NOTCH1: variants seen among roughly 807,000 people sequenced by gnomAD.
The protein encoded by NOTCH1 is neurogenic locus notch homolog protein 1.
Under a neutral mutation model 254.8 loss-of-function variants are expected in NOTCH1, and 37 were observed. The observed-to-expected ratio is 0.15, with a 90% CI of 0.11 to 0.19. The LOEUF (loss-of-function observed/expected upper bound fraction) is 0.19. Ranked by LOEUF, NOTCH1 falls within the 10% of genes least tolerant of loss-of-function variation. NOTCH1 has a pLI of 1.00. For missense variants in NOTCH1, 2,972 were observed against 3,708.6 expected, an observed-to-expected ratio of 0.80 and a Z score of 5.16; for synonymous variants, 1,731 against 1,618.1, an observed-to-expected ratio of 1.07 and a Z score of -1.68.
At chr9:136,535,898 AGCAC>A in intron 2 of NOTCH1, among the ~76,000 whole-genome samples, 1 of 91,088 alleles carries the variant, frequency 1.1e-5, no homozygotes, top group Non-Finnish European at 2.0e-5. Flanking sequence ...TGGAGGGGGG[AGCAC>A]TCAGGATCCC....
chr9:136,504,923 A>G lies in NOTCH1; in HGVS notation c.4768T>C (p.Phe1590Leu), dbSNP rs1206827343. 6.3e-7 allele frequency: 1 copy of G among 1,588,814 alleles called. No homozygotes were observed. The highest frequency in any genetic ancestry group is 1.8e-5 in the Admixed American group (1 of 56,520). ...CGGCTGAGCTCCCGCAGGAAGTGGAAGGAGCTGTTGCGCAGCTGCTCCGGC... is the reference window on the plus strand; with the variant it reads ...CGGCTGAGCTCCCGCAGGAAGTGGAGGGAGCTGTTGCGCAGCTGCTCCGGC... Reference protein sequence around the residue: ...MPPEQLRNSSFHFLRELSRVL... With the variant: ...MPPEQLRNSSLHFLRELSRVL... Residue 1590 changes from phenylalanine to leucine, a missense_variant, in exon 26 of 34, where the codon TTC becomes CTC. Around this residue, in one of 8 missense-constraint regions of NOTCH1, gnomAD observed 1,343 missense variants for 1,557.0 expected, o/e 0.86. Coordinates refer to ENST00000651671, the MANE Select transcript of NOTCH1 (RefSeq NM_017617.5).
At chr9:136,507,551 G>A (rs1004303220) in intron 21 of NOTCH1, 114 bp from the exon 22 acceptor site, 46 of 1,418,424 alleles carry the variant, frequency 3.2e-5, no homozygotes, top group East Asian at 2.0e-4. Flanking sequence ...CAGGTCCAGC[G>A]AAGCCACGGG....
Position 136,518,577 on chromosome 9 carries a change from C to T in NOTCH1, c.1099+14G>A, listed in dbSNP as rs2133370495. On this transcript the variant is annotated intron_variant, in intron 6 of 33. Transcript: ENST00000651671. ...GTGAGCCCCCTGCGCCCACCTGGGC[C>T]TCAAGGCACTCACCTGTGCGGCCAT... 6.2e-7 allele frequency: 1 copy of T among 1,608,844 alleles called. No individual in the cohort carries two copies. The highest frequency in any genetic ancestry group is 8.5e-7 in the Non-Finnish European group (1 of 1,177,874).
At position 136,517,362 on chromosome 9, in the gene NOTCH1, C is replaced by T. The variant is rs1843292615; in HGVS notation, c.1465G>A (p.Val489Ile). 1.9e-6 allele frequency: 3 copies of T among 1,605,988 alleles called. No homozygotes were observed. The East Asian group carries it at 6.7e-5, about 36-fold the overall frequency. ...MPGYEGVHCE[V>I]NTDECASSPC... is the part of the protein sequence containing the mutation. ...CTGCTGGCACACTCGTCTGTGTTGA[C>T]CTCGCAGTGCACACCCTCGTAGCCT... Residue 489 changes from valine (V) to isoleucine (I), a missense_variant, in exon 9 of 34, where the codon GTC (valine) becomes ATC (isoleucine). Physicochemically the swap from Val to Ile is conservative, Grantham distance 29. Around this residue, in one of 8 missense-constraint regions of NOTCH1, gnomAD observed 128 missense variants for 193.8 expected, o/e 0.66. Coordinates refer to ENST00000651671, the MANE Select transcript of NOTCH1 (RefSeq NM_017617.5).
Position 136,499,250 on chromosome 9 carries a change from G to A in NOTCH1, c.5944C>T (p.Arg1982Trp), listed in dbSNP as rs764422420. ...GCATCCAGGTCTGTGGCTCGGTTCC[G>A]GATCAGGATCTGGGCAACAGGGAGA... ...DAQGVFQILI[R>W]NRATDLDARM... Residue 1982 changes from arginine (R) to tryptophan (W), a missense_variant, in exon 32 of 34, where the codon CGG becomes TGG. Arg to Trp is a moderately radical substitution (Grantham distance 101). Coordinates refer to ENST00000651671, the MANE Select transcript of NOTCH1 (RefSeq NM_017617.5). 6 of 1,612,568 alleles carry A rather than the reference G, an allele frequency of 3.7e-6. No individual in the cohort carries two copies. The highest frequency in any genetic ancestry group is 2.2e-5 in the East Asian group (1 of 44,896).
At position 136,514,732 on chromosome 9, in the gene NOTCH1, C is replaced by T. The variant is rs750617454; in HGVS notation, c.2015-30G>A. 12 of 1,603,306 alleles carry T rather than the reference C, an allele frequency of 7.5e-6. No homozygotes were observed. The East Asian group carries it at 2.7e-4, about 36-fold the overall frequency. On this transcript the variant is annotated intron_variant, in intron 12 of 33. Transcript: ENST00000651671. ...GGGCAGGGCGGGTCAGACTCCGAGG[C>T]CCAGCGCCCAGGGGGTCCCACCCAC...
intron 4 of NOTCH1, chr9:136,522,569 G>T (rs983151145): frequency 2.1e-6 from 1 of 478,094 alleles, no homozygotes; most frequent in Non-Finnish European, 3.7e-6. Flanking sequence ...TGCCTGCACT[G>T]GGGGGAGGCA....
chr9:136,506,000 G>T (rs1444697059), intron 24 of NOTCH1, 119 bp from the exon 25 acceptor site: 2 of 860,130 alleles, frequency 2.3e-6, no homozygotes, highest in Non-Finnish European at 3.5e-6. Context: ...GAGGCGGCCT[G>T]CAACCTTGCC....
At chr9:136,510,520 C>G in intron 17 of NOTCH1, 133 bp downstream of exon 17, 1 of 1,265,476 alleles carries the variant, frequency 7.9e-7, no homozygotes, top group East Asian at 2.5e-5. Flanking sequence ...TCCCCCACAC[C>G]TGACCCAACC....
In NOTCH1 at chr9:136,518,962, C is replaced by A. The variant is rs1316924217; in HGVS notation, c.866-138G>T. On this transcript the variant is annotated intron_variant, in intron 5 of 33. Transcript: ENST00000651671. The stretch of plus-strand genomic sequence containing the variant: ...TCCTCCACCCACCGCCAGCCTAAAT[C>A]ACTCCTTCCTCTGCAGGCCCAGCAC... 30 of 727,716 alleles carry A rather than the reference C, an allele frequency of 4.1e-5. No homozygotes were observed. The East Asian group carries it at 4.3e-4, about 10-fold the overall frequency. 45.1% of individuals were successfully genotyped at this position (727,716 alleles called of 1,614,324 possible).
rs550212683 is a variant in NOTCH1, at chr9:136,504,727, C to T, written c.4964G>A (p.Gly1655Asp). 7.8e-6 allele frequency: 12 copies of T among 1,543,388 alleles called. No homozygotes were observed. The highest frequency in any genetic ancestry group is 1.9e-4 in the Middle Eastern group (1 of 5,208). ...CCGCCGCCGCCCACCCTCGCTGCCACCAGGGAGCAGCGAGGCCTTCACCTG... is the reference window on the plus strand; with the variant it reads ...CCGCCGCCGCCCACCCTCGCTGCCATCAGGGAGCAGCGAGGCCTTCACCTG... ...LGQVKASLLP[G>D]GSEGGRRRRE... The change falls in exon 26 of 34, where the codon GGT (glycine) becomes GAT (aspartate). Residue 1655 changes from glycine (G) to aspartate (D), a missense_variant. By Grantham distance (94) the Gly-to-Asp change is moderately conservative. This residue lies in a region of NOTCH1 where 1,343 missense variants were observed against 1,557.0 expected (regional missense o/e 0.86). Coordinates refer to ENST00000651671, the MANE Select transcript of NOTCH1 (RefSeq NM_017617.5).
Position 136,515,301 on chromosome 9 carries a change from G to A in NOTCH1, c.2003C>T (p.Pro668Leu), listed in dbSNP as rs576030298. Reference protein sequence around the residue: ...KIDGYECACEPGYTGSMCNIN... With the variant: ...KIDGYECACELGYTGSMCNIN... ...GCAGGGCCGCTCACCTGTGTAGCCCGGCTCACAGGCACACTCGTAGCCATC... is the reference window on the plus strand; with the variant it reads ...GCAGGGCCGCTCACCTGTGTAGCCCAGCTCACAGGCACACTCGTAGCCATC... Residue 668 changes from proline to leucine, a missense_variant, in exon 12 of 34, where the codon CCG (proline) becomes CTG (leucine). Pro to Leu is a moderately conservative substitution (Grantham distance 98, BLOSUM62 -3). Coordinates refer to ENST00000651671, the MANE Select transcript of NOTCH1 (RefSeq NM_017617.5). 102 of 1,612,690 alleles carry A rather than the reference G, an allele frequency of 6.3e-5. No homozygotes were observed. Among genetic ancestry groups the A allele is most frequent in the Non-Finnish European group, 8.1e-5 (95 of 1,179,962 alleles).
Position 136,494,526 on chromosome 9 carries a change from C to T in NOTCH1, c.*1545G>A, listed in dbSNP as rs928999754. 1.5e-5 allele frequency: 6 copies of T among 398,920 alleles called. No homozygotes were observed. The highest frequency in any genetic ancestry group is 2.2e-5 in the Non-Finnish European group (5 of 226,088). 24.7% of individuals were successfully genotyped at this position (398,920 alleles called of 1,614,324 possible). A position where few individuals can be genotyped will look rare whatever the true frequency, so the allele number is the denominator to read the frequency against. On this transcript the variant is annotated 3_prime_UTR_variant, in exon 34 of 34. Transcript: ENST00000651671. ...ATCATCTACAGTTCCTCATGTAGATCACTTTTAAAGTCTTTTTCTGTAAAC... is the reference window on the plus strand; with the variant it reads ...ATCATCTACAGTTCCTCATGTAGATTACTTTTAAAGTCTTTTTCTGTAAAC...
rs192914380 is a variant in NOTCH1, at chr9:136,508,060, C to T, written c.3405G>A (p.Ala1135=). Residue 1135 remains alanine (A), a synonymous_variant, in exon 21 of 34, where the codon GCG becomes GCA. Transcript: ENST00000651671. ...AGNTHHCRCQ[A]GYTGSYCEDL... ...CCTCACAGTAGCTGCCTGTGTAGCC[C>T]GCCTGGCAGCGGCAGTGGTGCGTGT... 28 of 1,611,302 alleles carry T rather than the reference C, an allele frequency of 1.7e-5. No individual in the cohort carries two copies. The East Asian group carries it at 3.1e-4, about 18-fold the overall frequency.
chr9:136,543,938 G>T, intron 2 of NOTCH1, 86 bp downstream of exon 2: 2 of 1,259,510 alleles, frequency 1.6e-6, no homozygotes, highest in East Asian at 2.5e-5. Flanking sequence ...GAAGACAATG[G>T]CCTAGTGTTC....
chr9:136,524,775 C>T (rs1843434469), intron 2 of NOTCH1, among the ~76,000 whole-genome samples: 1 of 151,636 alleles, frequency 6.6e-6, no homozygotes, highest in Admixed American at 6.6e-5. Flanking sequence ...GTAGCTGGGA[C>T]TACAGGCACC....
chr9:136,541,048 G>A (rs1029749407), intron 2 of NOTCH1, among the ~76,000 whole-genome samples: 11 of 152,186 alleles, frequency 7.2e-5, no homozygotes, highest in African/African-American at 2.7e-4. Context: ...GAGGGGGCTA[G>A]AGAAGAGCCA....
In NOTCH1 at chr9:136,545,994, GCCCGCGC is replaced by G. The variant is rs560345462; in HGVS notation, c.-215_-209del. On this transcript the variant is annotated 5_prime_UTR_variant, in exon 1 of 34. Coordinates refer to ENST00000651671, the MANE Select transcript of NOTCH1 (RefSeq NM_017617.5). This position sits in a 1 kb window ranked among gnomAD's most constrained non-coding sequence, Gnocchi z 6.8. Reference sequence around the variant, plus strand: ...GTTCCTTCGCTGCGCTCGCGCCCGCGCCCGCGCCCCGCGCCCCGCGCCCTTGCGCTCC... The same window carrying G: ...GTTCCTTCGCTGCGCTCGCGCCCGCGCCCGCGCCCCGCGCCCTTGCGCTCC... Among the ~76,000 whole-genome samples the G allele has an allele frequency of 8.0e-6, 1 of 124,306 alleles. No individual in the cohort carries two copies. 81.5% of individuals were successfully genotyped at this position (124,306 alleles called of 152,430 possible).
intron 2 of NOTCH1, among the ~76,000 whole-genome samples, chr9:136,536,683 C>T (rs1219502238): frequency 6.6e-6 from 1 of 152,218 alleles, no homozygotes; most frequent in Non-Finnish European, 1.5e-5. Flanking sequence ...GCAGGTGCAC[C>T]CAGATGGGGT....
Sources: allele counts gnomAD v4.1 joint callset (sites outside exome capture counted in the v4.1 genomes callset), GRCh38; gene constraint gnomAD v4.1.1; regional missense constraint gnomAD v4.1.1; non-coding constraint Gnocchi (gnomAD v3.1); transcripts MANE v1.5; gene names NCBI Gene and HGNC (gene_info 2026-07-23, HGNC 2026-07-21).